The following LYRM4 variants were observed in gnomAD, a reference collection of about 807,000 sequenced individuals.
LYRM4 encodes LYR motif containing 4.
In LYRM4, 9 loss-of-function variants were observed where a neutral mutation model predicts 11.7. The ratio of observed to expected loss-of-function variants is 0.77; its 90% CI spans 0.46 to 1.34. The LOEUF (loss-of-function observed/expected upper bound fraction) is 1.34, where lower values mean the gene tolerates loss of function less well. Among genes scored for constraint, LYRM4 ranks in the 40% most tolerant of loss-of-function variants. The probability of loss-of-function intolerance (pLI) is 0.00; values close to 1 mark genes in which losing one functional copy is unlikely to be tolerated. For missense variants in LYRM4, 133 were observed against 112.5 expected (o/e 1.18, Z -0.82); for synonymous variants, 42 against 40.4 (o/e 1.04, Z -0.15).
At chr6:5,175,709 A>C (rs1273052904) in intron 2 of LYRM4, among the ~76,000 whole-genome samples, 5 of 152,172 alleles carry the variant, frequency 3.3e-5, no homozygotes, top group African/African-American at 1.2e-4. Flanking sequence ...TGACCAAAAA[A>C]ATATGGCAGA....
chr6:5,199,236 TAC>T (rs980449551), intron 2 of LYRM4, among the ~76,000 whole-genome samples: 22 of 152,322 alleles, frequency 1.4e-4, no homozygotes, highest in African/African-American at 4.6e-4. Context: ...AGGAAGGAAG[TAC>T]TCTCTTATGC....
chr6:5,200,944 G>A (rs191431671), intron 2 of LYRM4, among the ~76,000 whole-genome samples: 30 of 152,310 alleles, frequency 2.0e-4, no homozygotes, highest in African/African-American at 5.8e-4. Flanking sequence ...CAGTAATACC[G>A]TGTAAAACAG....
the LYRM4 span, among the ~76,000 whole-genome samples, chr6:5,036,036 T>C: frequency 7.5e-6 from 1 of 133,384 alleles, no homozygotes; most frequent in Non-Finnish European, 1.6e-5. Flanking sequence ...CTATTCATTT[T>C]ACCTAACTGA....
At chr6:5,100,085 C>A (rs455504), downstream of LYRM4, among the ~76,000 whole-genome samples, 96,599 of 152,036 alleles carry the variant, frequency 0.64, 31,508 homozygotes, top group East Asian at 0.8. Context: ...CAGCAGGACG[C>A]GGTCCCCTTC....
chr6:5,125,874 C>A (rs762138360), intron 2 of LYRM4, among the ~76,000 whole-genome samples: 1 of 152,158 alleles, frequency 6.6e-6, no homozygotes, highest in African/African-American at 2.4e-5. Flanking sequence ...TTCTGATGTG[C>A]GTTTTGGTTC....
At chr6:5,248,214 A>G (rs1764278487) in intron 1 of LYRM4, among the ~76,000 whole-genome samples, 1 of 152,232 alleles carries the variant, frequency 6.6e-6, no homozygotes, top group Non-Finnish European at 1.5e-5. Flanking sequence ...TATTCAACCA[A>G]ACACTAAGGC....
At chr6:5,170,889 T>C (rs991074217) in intron 2 of LYRM4, among the ~76,000 whole-genome samples, 3 of 152,254 alleles carry the variant, frequency 2.0e-5, no homozygotes, top group South Asian at 2.1e-4. Context: ...TGAAGTGACC[T>C]AACGGTCCAC....
chr6:5,118,079 A>AAT (rs113661997), intron 2 of LYRM4, among the ~76,000 whole-genome samples: 20 of 40,370 alleles, frequency 5.0e-4, no homozygotes, highest in African/African-American at 1.1e-3. Context: ...TCACCAAAAC[A>AAT]ATATATATAT....
the LYRM4 span, chr6:5,085,867 T>G: frequency 1.3e-6 from 2 of 1,530,924 alleles, no homozygotes; most frequent in South Asian, 2.4e-5. Context: ...CTGCGCCAAG[T>G]GCAAGAAGCG....
At chr6:5,185,415 C>A (rs1483302871) in intron 2 of LYRM4, among the ~76,000 whole-genome samples, 1 of 152,112 alleles carries the variant, frequency 6.6e-6, no homozygotes, top group Non-Finnish European at 1.5e-5. Flanking sequence ...GTAGACATAC[C>A]AACAAATCTT....
the LYRM4 span, among the ~76,000 whole-genome samples, chr6:5,079,515 G>A: frequency 4.6e-5 from 7 of 152,194 alleles, no homozygotes; most frequent in African/African-American, 9.6e-5. Flanking sequence ...TTGGGGTCAC[G>A]TGTTCTGATC....
At chr6:5,148,664 T>A (rs1443092430) in intron 2 of LYRM4, among the ~76,000 whole-genome samples, 1 of 13,974 alleles carries the variant, frequency 7.2e-5, no homozygotes, top group African/African-American at 2.3e-4. Flanking sequence ...CACACACACC[T>A]CTCTCTCTCT....
At chr6:5,137,875 TG>T (rs961104180) in intron 2 of LYRM4, among the ~76,000 whole-genome samples, 14 of 152,218 alleles carry the variant, frequency 9.2e-5, no homozygotes, top group Admixed American at 5.9e-4. Flanking sequence ...CTCATGTGAA[TG>T]TATTTTTGAG....
intron 1 of LYRM4, among the ~76,000 whole-genome samples, chr6:5,248,542 C>T (rs1000691635): frequency 6.6e-6 from 1 of 152,244 alleles, no homozygotes; most frequent in Non-Finnish European, 1.5e-5. Flanking sequence ...TACATGCCAT[C>T]AGCAACACAG....
At chr6:5,227,086 T>C (rs1339688922) in intron 1 of LYRM4, among the ~76,000 whole-genome samples, 2 of 152,150 alleles carry the variant, frequency 1.3e-5, no homozygotes, top group African/African-American at 4.8e-5. Flanking sequence ...TATGAGTATA[T>C]TTTTAGACCG....
the LYRM4 span, among the ~76,000 whole-genome samples, chr6:5,057,208 A>G: frequency 1.3e-5 from 2 of 152,162 alleles, no homozygotes; most frequent in African/African-American, 4.8e-5. Context: ...CAAAGGCTCT[A>G]GGAGACCTGG....
intron 1 of LYRM4, among the ~76,000 whole-genome samples, chr6:5,253,550 G>T (rs150811511): frequency 5.4e-4 from 82 of 152,132 alleles, no homozygotes; most frequent in African/African-American, 1.7e-3. Context: ...AAGCTGCAGC[G>T]ACAACTTGCG....
chr6:5,129,165 C>G (rs2127610779), intron 2 of LYRM4, among the ~76,000 whole-genome samples: 1 of 152,328 alleles, frequency 6.6e-6, no homozygotes, highest in Non-Finnish European at 1.5e-5. Flanking sequence ...CCGCACTCAG[C>G]TGGGAATATG....
chr6:5,164,581 A>G (rs1455604242), intron 2 of LYRM4, among the ~76,000 whole-genome samples: 1 of 152,202 alleles, frequency 6.6e-6, no homozygotes, highest in Non-Finnish European at 1.5e-5. Context: ...GGTGGAGTAT[A>G]GTGACTGCAA....
Sources: allele counts gnomAD v4.1 joint callset (sites outside exome capture counted in the v4.1 genomes callset), GRCh38; gene constraint gnomAD v4.1.1; transcripts MANE v1.5; gene names NCBI Gene and HGNC (gene_info 2026-07-23, HGNC 2026-07-21).